CCDC62: variants seen among roughly 807,000 people sequenced by gnomAD.
The protein encoded by CCDC62 is coiled-coil domain containing 62.
CCDC62 carries 72 observed loss-of-function variants against 80.8 expected under a neutral mutation model. That is an observed-to-expected ratio of 0.89 (90% CI 0.74 to 1.08). CCDC62 has a LOEUF of 1.08. Ranked by LOEUF, CCDC62 falls within the 50% of genes least tolerant of loss-of-function variation. CCDC62 has a pLI of 0.00. For missense variants in CCDC62, 704 were observed against 809.4 expected (o/e 0.87, Z 1.58); for synonymous variants, 286 against 296.5 (o/e 0.96, Z 0.36).
At chr12:122,806,445 T>C (rs80174592) in intron 10 of CCDC62, 150 bp downstream of exon 10, 55 of 601,100 alleles carry the variant, frequency 9.1e-5, no homozygotes, top group Non-Finnish European at 1.4e-4. Flanking sequence ...TTTAAGATGC[T>C]TTTAAGGCAA....
At chr12:122,777,306 G>A (rs1328498308) in intron 1 of CCDC62, 185 bp from the exon 2 acceptor site, 1 of 557,554 alleles carries the variant, frequency 1.8e-6, no homozygotes, top group African/African-American at 1.9e-5. Context: ...GAGGCAGAGT[G>A]CATGGTAGAT....
intron 4 of CCDC62, 60 bp downstream of exon 4, chr12:122,785,880 AT>A: frequency 8.9e-7 from 1 of 1,127,450 alleles, no homozygotes; most frequent in Non-Finnish European, 1.3e-6. Flanking sequence ...ATCCATATTC[AT>A]TATCTTACCT....
Position 122,792,113 on chromosome 12 carries a change from T to C in CCDC62, c.764T>C (p.Leu255Pro). ...AAAAGTTGCCTGCACGATGAATTGC[T>C]TTTTACTGGTAAAACAGATGATCGA... ...QEKSCLHDELLFTVEREKRKD... is the reference protein window; with the variant it reads ...QEKSCLHDELPFTVEREKRKD... The change falls in exon 6 of 13, where the codon CTT becomes CCT. Residue 255 changes from leucine (L) to proline (P), a missense_variant. Leu to Pro is a moderately conservative substitution (Grantham distance 98). Transcript: ENST00000253079. The C allele has an allele frequency of 1.9e-6, 3 of 1,594,964 alleles. No homozygotes were observed. In the South Asian group the frequency reaches 3.3e-5, roughly 18 times the overall value.
At chr12:122,786,257 C>T in intron 4 of CCDC62, among the ~76,000 whole-genome samples, 1 of 152,166 alleles carries the variant, frequency 6.6e-6, no homozygotes, top group East Asian at 1.9e-4. Flanking sequence ...ACGCCATTCT[C>T]CTGCCTCAGC....
At chr12:122,810,613 G>A (rs1275547073) in intron 10 of CCDC62, among the ~76,000 whole-genome samples, 4 of 152,134 alleles carry the variant, frequency 2.6e-5, no homozygotes, top group South Asian at 2.1e-4. Flanking sequence ...ACAGTGTGGC[G>A]ATTACTCAGG....
intron 8 of CCDC62, 105 bp from the exon 9 acceptor site, chr12:122,801,019 C>T (rs961601296): frequency 1.6e-5 from 19 of 1,222,058 alleles, no homozygotes; most frequent in Middle Eastern, 2.8e-4. Context: ...TTCAGACAAA[C>T]GAGTCTCATT....
intron 11 of CCDC62, among the ~76,000 whole-genome samples, chr12:122,819,156 A>T (rs1413138471): frequency 5.3e-5 from 8 of 152,160 alleles, no homozygotes; most frequent in Admixed American, 5.2e-4. Flanking sequence ...AATAACAGGG[A>T]TTTACCTGGC....
intron 12 of CCDC62, among the ~76,000 whole-genome samples, chr12:122,825,342 ATT>A (rs749990077): frequency 0.088 from 7,867 of 89,710 alleles, 449 homozygotes; most frequent in East Asian, 0.26. Flanking sequence ...CACCTGGCTA[ATT>A]TTTTTTTTTT....
rs1409417843 is a variant in CCDC62, at chr12:122,797,335, G to C, written c.801G>C (p.Leu267Phe). The C allele has an allele frequency of 6.3e-7, 1 of 1,589,512 alleles. No individual in the cohort carries two copies. Among genetic ancestry groups the C allele is most frequent in the East Asian group, 2.2e-5 (1 of 44,698 alleles). The change falls in exon 7 of 13, where the codon TTG becomes TTC. Residue 267 changes from leucine to phenylalanine, a missense_variant. Coordinates refer to ENST00000253079, the MANE Select transcript of CCDC62 (RefSeq NM_201435.5). ...AGAGAGAAAAGAGGAAAGATGAATT[G>C]CTTAATATTGCGAAGTCAAAGCAAG... is the stretch of plus-strand genomic sequence containing the variant. ...TVEREKRKDE[L>F]LNIAKSKQER...
At chr12:122,785,578 T>C in intron 3 of CCDC62, 141 bp from the exon 4 acceptor site, 1 of 667,508 alleles carries the variant, frequency 1.5e-6, no homozygotes, top group Non-Finnish European at 2.7e-6. Context: ...ATTAGCCCAC[T>C]CCATTACCAA....
At chr12:122,789,275 A>G (rs1291502624) in intron 5 of CCDC62, among the ~76,000 whole-genome samples, 1 of 152,186 alleles carries the variant, frequency 6.6e-6, no homozygotes, top group Non-Finnish European at 1.5e-5. Flanking sequence ...TCTAGAGGCA[A>G]ATGGGGGAGT....
intron 3 of CCDC62, 90 bp from the exon 4 acceptor site, chr12:122,785,629 A>C (rs555900072): frequency 1.2e-6 from 1 of 869,164 alleles, no homozygotes; most frequent in South Asian, 1.4e-5. Flanking sequence ...GAAAAAACAA[A>C]ATAGAGAAGT....
intron 11 of CCDC62, among the ~76,000 whole-genome samples, chr12:122,821,556 C>A (rs534596290): frequency 6.6e-6 from 1 of 152,128 alleles, no homozygotes; most frequent in Non-Finnish European, 1.5e-5. Context: ...CTCCAGCGGT[C>A]CTCCCACTTC....
At chr12:122,780,585 G>C (rs888310415) in intron 2 of CCDC62, among the ~76,000 whole-genome samples, 85 of 151,124 alleles carry the variant, frequency 5.6e-4, no homozygotes, top group African/African-American at 2.0e-3. Context: ...CTGCACTCCA[G>C]CCTGGACAAC....
At position 122,788,481 on chromosome 12, in the gene CCDC62, A is replaced by G. The variant is rs561435681; in HGVS notation, c.499-277A>G. On this transcript the variant is annotated intron_variant, in intron 4 of 12. Coordinates refer to ENST00000253079, the MANE Select transcript of CCDC62 (RefSeq NM_201435.5). ...AGTAAGGGGTAGTGGTTCAGTACAT[A>G]GTGTCTGAGGCAGCCAGCTAGGTTC... Among the ~76,000 whole-genome samples, 3 of 152,312 alleles carry G rather than the reference A, an allele frequency of 2.0e-5. No individual in the cohort carries two copies. In the South Asian group the frequency reaches 6.2e-4, roughly 32 times the overall value.
rs1387723480 is a variant in CCDC62, at chr12:122,781,319, G to T, written c.385G>T (p.Glu129Ter). 1 of 1,613,544 alleles carries T rather than the reference G, an allele frequency of 6.2e-7. No individual in the cohort carries two copies. The highest frequency in any genetic ancestry group is 8.5e-7 in the Non-Finnish European group (1 of 1,179,856). ...GGCAACGCATTCTTCTCTTCTCTCT[G>T]AAGACCTTGAGGTTGGGATTAGTTT... is the stretch of plus-strand genomic sequence containing the variant. ...QKATHSSLLS[E>*]DLEARNETLS... Residue 129 changes from glutamate to a stop codon, truncating the protein, a stop_gained, in exon 3 of 13, where the codon GAA becomes TAA. Coordinates refer to ENST00000253079, the MANE Select transcript of CCDC62 (RefSeq NM_201435.5). LOFTEE classifies it high-confidence loss of function.
intron 7 of CCDC62, among the ~76,000 whole-genome samples, chr12:122,797,699 C>T (rs2031044582): frequency 6.6e-6 from 1 of 152,082 alleles, no homozygotes. Context: ...CACCACCACG[C>T]CCAGCCAATT....
Position 122,812,831 on chromosome 12 carries a change from A to C in CCDC62, c.1852-439A>C, listed in dbSNP as rs531715631. Among the ~76,000 whole-genome samples the C allele has an allele frequency of 5.0e-5, 7 of 139,026 alleles. No individual in the cohort carries two copies. The South Asian group carries it at 1.5e-3, about 29-fold the overall frequency. 91.2% of individuals were successfully genotyped at this position (139,026 alleles called of 152,430 possible). ...AGAAAGAAAGAAAGAAAGAAAGAAA[A>C]GGAATGAATTTAGTTATTCTTATTC... On this transcript the variant is annotated intron_variant, in intron 10 of 12. Coordinates refer to ENST00000253079, the MANE Select transcript of CCDC62 (RefSeq NM_201435.5).
intron 9 of CCDC62, among the ~76,000 whole-genome samples, chr12:122,805,776 C>G (rs890220144): frequency 3.9e-5 from 6 of 151,996 alleles, no homozygotes; most frequent in Non-Finnish European, 1.5e-5. Flanking sequence ...TCCCAAAGTG[C>G]TGGGATTACA....
Sources: allele counts gnomAD v4.1 joint callset (sites outside exome capture counted in the v4.1 genomes callset), GRCh38; gene constraint gnomAD v4.1.1; transcripts MANE v1.5; gene names NCBI Gene and HGNC (gene_info 2026-07-23, HGNC 2026-07-21).